GABRG3: variants seen among roughly 807,000 people sequenced by gnomAD.
GABRG3 encodes the protein gamma-aminobutyric acid receptor subunit gamma-3.
A neutral mutation model predicts 48.8 loss-of-function variants in GABRG3; 25 were observed. The observed-to-expected ratio is 0.51, with a 90% CI of 0.37 to 0.72. The LOEUF is 0.72. Ranked by LOEUF, GABRG3 falls within the 30% of genes least tolerant of loss-of-function variation. GABRG3 has a pLI of 0.00. For synonymous variants in GABRG3, 227 were observed against 217.6 expected (o/e 1.04, Z -0.38); for missense variants, 394 against 577.9 (o/e 0.68, Z 3.26).
At chr15:27,256,094 C>T (rs1890601674) in intron 3 of GABRG3, among the ~76,000 whole-genome samples, 1 of 152,064 alleles carries the variant, frequency 6.6e-6, no homozygotes, top group South Asian at 2.1e-4. Flanking sequence ...AATCCAATCA[C>T]CAGGGTCTTT....
chr15:27,005,123 C>T (rs1265616240), intron 2 of GABRG3, among the ~76,000 whole-genome samples: 1 of 152,164 alleles, frequency 6.6e-6, no homozygotes, highest in East Asian at 1.9e-4. Context: ...AATTTTCTAG[C>T]AGGATCATGG....
Position 27,480,673 on chromosome 15 carries a change from A to T in GABRG3, c.598A>T (p.Ile200Phe), listed in dbSNP as rs1264312462. The change falls in exon 6 of 10, where the codon ATT becomes TTT. Residue 200 changes from isoleucine to phenylalanine, a missense_variant. Physicochemically the swap from Ile to Phe is conservative, Grantham distance 21 (BLOSUM62 0). Transcript: ENST00000615808. ...SSYGYPKEEM[I>F]YRWRKNSVEA... Reference sequence around the variant, plus strand: ...AGATGGCTATCCCAAAGAAGAAATGATTTATAGATGGAGAAAAAATTCAGT... The same window carrying T: ...AGATGGCTATCCCAAAGAAGAAATGTTTTATAGATGGAGAAAAAATTCAGT... 1.2e-6 allele frequency: 2 copies of T among 1,611,268 alleles called. No homozygotes were observed. Among genetic ancestry groups the T allele is most frequent in the Non-Finnish European group, 8.5e-7 (1 of 1,178,542 alleles).
intron 3 of GABRG3, among the ~76,000 whole-genome samples, chr15:27,324,473 T>G (rs1381007862): frequency 1.3e-5 from 2 of 152,200 alleles, no homozygotes. Context: ...ATGTTTTCAC[T>G]CTTACTCTTG....
chr15:27,218,231 C>T (rs185066126), intron 3 of GABRG3, among the ~76,000 whole-genome samples: 1 of 152,092 alleles, frequency 6.6e-6, no homozygotes, highest in Admixed American at 6.5e-5. Context: ...ACCATGTTGC[C>T]CAGGCTGTCC....
intron 3 of GABRG3, among the ~76,000 whole-genome samples, chr15:27,145,606 T>TATCTATCTATCTATCTATCATCTATC: frequency 8.4e-6 from 1 of 118,358 alleles, no homozygotes; most frequent in Non-Finnish European, 1.8e-5. Flanking sequence ...TATCTATCTC[T>TATCTATCTATCTATCTATCATCTATC]ATCTATCTAT....
At chr15:27,442,546 C>T (rs1415129584) in intron 5 of GABRG3, among the ~76,000 whole-genome samples, 1 of 152,184 alleles carries the variant, frequency 6.6e-6, no homozygotes, top group Non-Finnish European at 1.5e-5. Context: ...CATCCTAGTC[C>T]AGGCTTCTCA....
intron 3 of GABRG3, among the ~76,000 whole-genome samples, chr15:27,240,180 A>G (rs1566976648): frequency 6.6e-6 from 1 of 152,154 alleles, no homozygotes; most frequent in Admixed American, 6.5e-5. Flanking sequence ...GGCCCCCTCA[A>G]TGTTGTTAAG....
intron 3 of GABRG3, among the ~76,000 whole-genome samples, chr15:27,282,013 G>A (rs1457417825): frequency 1.3e-5 from 2 of 152,080 alleles, no homozygotes; most frequent in African/African-American, 4.8e-5. Context: ...TCTGGGTATG[G>A]GCATTTATCT....
chr15:27,126,211 G>A, intron 3 of GABRG3, among the ~76,000 whole-genome samples: 1 of 152,080 alleles, frequency 6.6e-6, no homozygotes, highest in Non-Finnish European at 1.5e-5. Context: ...TTTATATATT[G>A]TCTTATTGGA....
chr15:27,406,731 A>T (rs893801134), intron 5 of GABRG3, among the ~76,000 whole-genome samples: 2 of 152,202 alleles, frequency 1.3e-5, no homozygotes, highest in Non-Finnish European at 1.5e-5. Context: ...TCAAGAGGGT[A>T]CTAGCAAAAC....
At chr15:27,171,507 CATAT>C (rs57913193) in intron 3 of GABRG3, among the ~76,000 whole-genome samples, 4 of 144,338 alleles carry the variant, frequency 2.8e-5, no homozygotes, top group Admixed American at 7.0e-5. Flanking sequence ...GCATGTCTAA[CATAT>C]ATATATATAT....
rs1233238463 is a variant in GABRG3, at chr15:27,540,962, A to C, written c.*8081A>C. ...CGCAGTTTTCTAGCGATAGCGTATT[A>C]GCACTAAGCCTCTGGTTAGGATAAA... On this transcript the variant is annotated 3_prime_UTR_variant, in exon 10 of 10. Transcript: ENST00000615808. The C allele has an allele frequency of 6.6e-6, 1 of 152,286 alleles. No individual in the cohort carries two copies. The highest frequency in any genetic ancestry group is 1.5e-5 in the Non-Finnish European group (1 of 68,070). 9.4% of individuals were successfully genotyped at this position (152,286 alleles called of 1,614,324 possible).
chr15:27,356,430 T>C (rs551626233), intron 5 of GABRG3, among the ~76,000 whole-genome samples: 3 of 152,180 alleles, frequency 2.0e-5, no homozygotes, highest in Middle Eastern at 3.2e-3. Context: ...GAATGTACTA[T>C]ATGGCAGGAT....
At chr15:27,459,744 G>A (rs866842548) in intron 5 of GABRG3, among the ~76,000 whole-genome samples, 151 of 152,230 alleles carry the variant, frequency 9.9e-4, no homozygotes, top group African/African-American at 3.2e-3. Context: ...TCATGGTTGC[G>A]CATGTGCACA....
In GABRG3 at chr15:26,986,031, G is replaced by A. The variant is rs527789865; in HGVS notation, c.202+8881G>A. ...TGCCCCAGGCTGGTGGCTGCCTGCC[G>A]GACCACCCCTCTGACTCAATGAATC... On this transcript the variant is annotated intron_variant, in intron 2 of 9. Coordinates refer to ENST00000615808, the MANE Select transcript of GABRG3 (RefSeq NM_033223.5). Among the ~76,000 whole-genome samples the A allele has an allele frequency of 2.6e-5, 4 of 152,084 alleles. No individual in the cohort carries two copies. In the East Asian group the frequency reaches 5.8e-4, roughly 22 times the overall value.
At position 27,534,902 on chromosome 15, in the gene GABRG3, CCA is replaced by C. The variant is rs1250102792; in HGVS notation, c.*2024_*2025del. ...TTTGGTTTGGTAGTTGCTACATAAT[CCA>C]CAAGCCAATTGGCTTCAGTTTAGCA... On this transcript the variant is annotated 3_prime_UTR_variant, in exon 10 of 10. Coordinates refer to ENST00000615808, the MANE Select transcript of GABRG3 (RefSeq NM_033223.5). 1 of 152,138 alleles carries C rather than the reference CCA, an allele frequency of 6.6e-6. No individual in the cohort carries two copies. The highest frequency in any genetic ancestry group is 1.5e-5 in the Non-Finnish European group (1 of 68,026). The allele number at this position is 152,138 out of a possible 1,614,324, so 9.4% of individuals were successfully genotyped here. A position where few individuals can be genotyped will look rare whatever the true frequency, so the allele number is the denominator to read the frequency against.
chr15:27,193,507 G>A lies in GABRG3; in HGVS notation c.271-133302G>A, dbSNP rs532622434. Among the ~76,000 whole-genome samples, 22 of 151,350 alleles carry A rather than the reference G, an allele frequency of 1.5e-4. 1 individual carries two copies. The South Asian group carries it at 2.8e-3, about 19-fold the overall frequency. ...TAGCAATCAGCGAGACTCCGTGGGC[G>A]TAGGACCCTCCGAGCCAGGTGCAGG... On this transcript the variant is annotated intron_variant, in intron 3 of 9. Transcript: ENST00000615808.
intron 3 of GABRG3, among the ~76,000 whole-genome samples, chr15:27,135,702 T>G (rs1897996735): frequency 6.6e-6 from 1 of 152,028 alleles, no homozygotes; most frequent in African/African-American, 2.4e-5. Flanking sequence ...GTCAGGAGTT[T>G]GAGACCAGCC....
intron 5 of GABRG3, among the ~76,000 whole-genome samples, chr15:27,380,763 GT>G (rs71132807): frequency 0.78 from 89,921 of 115,046 alleles, 34,704 homozygotes; most frequent in East Asian, 0.95. Flanking sequence ...GTTCTGTGTG[GT>G]TTTTTTTTTT....
Sources: allele counts gnomAD v4.1 joint callset (sites outside exome capture counted in the v4.1 genomes callset), GRCh38; gene constraint gnomAD v4.1.1; transcripts MANE v1.5; gene names NCBI Gene and HGNC (gene_info 2026-07-23, HGNC 2026-07-21).